The following WDR33 variants were observed in gnomAD, a reference collection of about 807,000 sequenced individuals.
WDR33 encodes WD repeat domain 33.
WDR33 carries 47 observed loss-of-function variants against 164.9 expected under a neutral mutation model. That is an observed-to-expected ratio of 0.29 (90% CI 0.23 to 0.36). The LOEUF is 0.36. WDR33 is among the 10% of genes least tolerant of loss of function. WDR33 has a pLI of 1.00. For synonymous variants in WDR33, 505 were observed against 589.0 expected (o/e 0.86, Z 2.06); for missense variants, 1,137 against 1,754.1 (o/e 0.65, Z 6.28).
At chr2:127,758,040 C>T (rs1339508358) in intron 7 of WDR33, among the ~76,000 whole-genome samples, 1 of 152,118 alleles carries the variant, frequency 6.6e-6, no homozygotes, top group African/African-American at 2.4e-5. Flanking sequence ...AAAACTCCTG[C>T]GTAAGTCTCA....
chr2:127,719,431 G>A lies in WDR33; in HGVS notation c.2594C>T (p.Pro865Leu). 4 of 1,562,144 alleles carry A rather than the reference G, an allele frequency of 2.6e-6. No homozygotes were observed. Among genetic ancestry groups the A allele is most frequent in the Non-Finnish European group, 3.5e-6 (4 of 1,154,132 alleles). The part of the protein sequence containing the change: ...PPGSQSQQGP[P>L]QGSLGPPPQG... Reference sequence around the variant, plus strand: ...GGGTGGAGGTCCTAAAGAGCCCTGGGGCGGCCCCTGCTGACTTTGTGAGCC... The same window carrying A: ...GGGTGGAGGTCCTAAAGAGCCCTGGAGCGGCCCCTGCTGACTTTGTGAGCC... The change falls in exon 16 of 22, where the codon CCC becomes CTC. Residue 865 changes from proline (P) to leucine (L), a missense_variant. Pro to Leu is a moderately conservative substitution (Grantham distance 98). Coordinates refer to ENST00000322313, the MANE Select transcript of WDR33 (RefSeq NM_018383.5). This position sits in a 1 kb window ranked among gnomAD's most constrained non-coding sequence, Gnocchi z 6.5.
rs1278382972 is a variant in WDR33, at chr2:127,771,004, A to G, written c.-23T>C. 1.2e-6 allele frequency: 2 copies of G among 1,610,378 alleles called. No individual in the cohort carries two copies. Among genetic ancestry groups the G allele is most frequent in the East Asian group, 2.2e-5 (1 of 44,812 alleles). On this transcript the variant is annotated splice_region_variant and 5_prime_UTR_variant, in exon 2 of 22. Transcript: ENST00000322313. ...CATGGTGATGTTTTCCTTCTAGGAT[A>G]CTAGGATAAGGAAAAAGTACTTTCA...
At chr2:127,767,567 T>C (rs1257357982) in intron 4 of WDR33, among the ~76,000 whole-genome samples, 1 of 151,658 alleles carries the variant, frequency 6.6e-6, no homozygotes, top group Non-Finnish European at 1.5e-5. Flanking sequence ...CAAAAAAAAG[T>C]AGCCGGGCAT....
At chr2:127,715,320 A>C (rs897982489) in intron 17 of WDR33, among the ~76,000 whole-genome samples, 4 of 151,934 alleles carry the variant, frequency 2.6e-5, no homozygotes, top group African/African-American at 9.7e-5. Flanking sequence ...CCTGACCTCA[A>C]GTGATACACC....
In WDR33 at chr2:127,707,850, G is replaced by C. The variant is rs143521848; in HGVS notation, c.3781+827C>G. ...CACACCTGTAGTTCCAGCTACTGGG[G>C]AGACTGAGGCACAAGAATCACTTGA... On this transcript the variant is annotated intron_variant, in intron 21 of 21. Transcript: ENST00000322313. Among the ~76,000 whole-genome samples, 511 of 152,332 alleles carry C rather than the reference G, an allele frequency of 3.4e-3. 2 individuals are homozygous for C. Among genetic ancestry groups the C allele is most frequent in the Non-Finnish European group, 5.5e-3 (376 of 68,032 alleles).
At position 127,811,023 on chromosome 2, in the gene WDR33, G is replaced by A. The variant is rs534947197; in HGVS notation, c.-35C>T. On this transcript the variant is annotated 5_prime_UTR_variant, in exon 1 of 22. Transcript: ENST00000322313. The surrounding 1 kb of genome is among the most constrained non-coding windows in gnomAD (Gnocchi z 4.1). Reference sequence around the variant, plus strand: ...GCCGCCGCACTCACCGTCTGGCTTTGAGCAGAGCTCCTAAATGGCCAGCGA... The same window carrying A: ...GCCGCCGCACTCACCGTCTGGCTTTAAGCAGAGCTCCTAAATGGCCAGCGA... 1.3e-5 allele frequency: 2 copies of A among 152,884 alleles called. No homozygotes were observed. Among genetic ancestry groups the A allele is most frequent in the South Asian group, 2.1e-4 (1 of 4,832 alleles). The allele number at this position is 152,884 out of a possible 1,614,324, so 9.5% of individuals were successfully genotyped here. A position where few individuals can be genotyped will look rare whatever the true frequency, so the allele number is the denominator to read the frequency against.
Position 127,725,266 on chromosome 2 carries a change from T to C in WDR33, c.852-51A>G, listed in dbSNP as rs779386684. On this transcript the variant is annotated intron_variant, in intron 8 of 21. Coordinates refer to ENST00000322313, the MANE Select transcript of WDR33 (RefSeq NM_018383.5). ...TGTCAGAATTCAAAACAAGTATAAA[T>C]ACAATGGCCATTTTTGTTGAAAAGC... is the stretch of plus-strand genomic sequence containing the variant. 13 of 1,535,766 alleles carry C rather than the reference T, an allele frequency of 8.5e-6. No homozygotes were observed. The East Asian group carries it at 1.4e-4, about 16-fold the overall frequency.
intron 1 of WDR33, among the ~76,000 whole-genome samples, chr2:127,799,409 C>T (rs959824145): frequency 6.6e-6 from 1 of 152,096 alleles, no homozygotes; most frequent in African/African-American, 2.4e-5. Context: ...GACTTGCATC[C>T]AGAATACACG....
rs1558923338 is a variant in WDR33, at chr2:127,720,196, A to T, written c.1829T>A (p.Met610Lys). ...CCCCATTTGAGCCATGTTCATTGGCATCTGCTGAGATGGATGGGGCTGTTG... is the reference window on the plus strand; with the variant it reads ...CCCCATTTGAGCCATGTTCATTGGCTTCTGCTGAGATGGATGGGGCTGTTG... ...GFQQPHPSQQ[M>K]PMNMAQMGPP... Residue 610 changes from methionine to lysine, a missense_variant, in exon 16 of 22, where the codon ATG becomes AAG. Coordinates refer to ENST00000322313, the MANE Select transcript of WDR33 (RefSeq NM_018383.5). The surrounding 1 kb of genome is among the most constrained non-coding windows in gnomAD (Gnocchi z 5.9). 1 of 1,611,746 alleles carries T rather than the reference A, an allele frequency of 6.2e-7. No individual in the cohort carries two copies. Among genetic ancestry groups the T allele is most frequent in the Non-Finnish European group, 8.5e-7 (1 of 1,178,980 alleles).
At chr2:127,796,377 A>G (rs911430287) in intron 1 of WDR33, among the ~76,000 whole-genome samples, 3 of 151,788 alleles carry the variant, frequency 2.0e-5, no homozygotes, top group African/African-American at 7.3e-5. Context: ...CCTGGCTGTT[A>G]ATTTTCTCAT....
At chr2:127,750,491 A>C (rs1210839959) in intron 7 of WDR33, among the ~76,000 whole-genome samples, 1 of 150,700 alleles carries the variant, frequency 6.6e-6, no homozygotes, top group African/African-American at 2.4e-5. Context: ...TACTTAAAAT[A>C]CAAAAATTAG....
intron 1 of WDR33, among the ~76,000 whole-genome samples, chr2:127,802,284 A>G (rs2104681971): frequency 6.6e-6 from 1 of 152,342 alleles, no homozygotes; most frequent in East Asian, 1.9e-4. Context: ...GAATGTGAAA[A>G]TAAGAATATA....
rs971893533 is a variant in WDR33 at position 127,779,878 on chromosome 2, C to A, written c.-23-8874G>T. ...GAACAAGAAAGCTTGTTTTCCCAAA[C>A]TGAGATAACAGAATTCTAACCAAAA... On this transcript the variant is annotated intron_variant, in intron 1 of 21. Coordinates refer to ENST00000322313, the MANE Select transcript of WDR33 (RefSeq NM_018383.5). 3.9e-5 allele frequency among the ~76,000 whole-genome samples: 6 copies of A among 152,272 alleles called. No individual in the cohort carries two copies. The East Asian group carries it at 7.7e-4, about 20-fold the overall frequency.
Position 127,701,635 on chromosome 2 carries a change from G to A in WDR33, c.*4688C>T, listed in dbSNP as rs1422814686. 129 of 1,319,652 alleles carry A rather than the reference G, an allele frequency of 9.8e-5. No homozygotes were observed. Among genetic ancestry groups the A allele is most frequent in the Non-Finnish European group, 1.2e-4 (128 of 1,038,728 alleles). The allele number at this position is 1,319,652 out of a possible 1,614,324, so 81.7% of individuals were successfully genotyped here. A position where few individuals can be genotyped will look rare whatever the true frequency, so the allele number is the denominator to read the frequency against. On this transcript the variant is annotated 3_prime_UTR_variant, in exon 22 of 22. Coordinates refer to ENST00000322313, the MANE Select transcript of WDR33 (RefSeq NM_018383.5). ...GCCGCGGAGAAGGCGGAGGAGCCCG[G>A]GGACCGGCCGGCGGAGGAGTGGCTG...
In WDR33 at chr2:127,713,634, C is replaced by T. The variant is rs777709076; in HGVS notation, c.3257G>A (p.Arg1086His). 24 of 1,614,138 alleles carry T rather than the reference C, an allele frequency of 1.5e-5. No individual in the cohort carries two copies. The highest frequency in any genetic ancestry group is 6.7e-5 in the Admixed American group (4 of 60,014). The change falls in exon 18 of 22, where the codon CGT becomes CAT. Residue 1086 changes from arginine to histidine, a missense_variant. Physicochemically the swap from Arg to His is conservative, Grantham distance 29. Transcript: ENST00000322313. The surrounding 1 kb of genome is among the most constrained non-coding windows in gnomAD (Gnocchi z 6.2). ...AWEGRRPGDE[R>H]FPRDPEDPRF... ...TGGGTCCTCGGGATCCCGGGGGAAA[C>T]GTTCATCTCCGGGCCTGCGGCCTTC...
At chr2:127,796,183 C>T (rs1040481058) in intron 1 of WDR33, among the ~76,000 whole-genome samples, 1 of 151,510 alleles carries the variant, frequency 6.6e-6, no homozygotes, top group Non-Finnish European at 1.5e-5. Flanking sequence ...GTGATCCTCC[C>T]ACCTCAGCCT....
chr2:127,738,025 A>G lies in WDR33; in HGVS notation c.725-11248T>C. ...GTTATTCACCTCTTGACAGAAAGGA[A>G]GTAACAACGGCAGTGATGAAAACAT... is the stretch of plus-strand genomic sequence containing the variant. On this transcript the variant is annotated intron_variant, in intron 7 of 21. Coordinates refer to ENST00000322313, the MANE Select transcript of WDR33 (RefSeq NM_018383.5). The surrounding 1 kb of genome is among the most constrained non-coding windows in gnomAD (Gnocchi z 4.4). 1.2e-6 allele frequency: 2 copies of G among 1,613,250 alleles called. No individual in the cohort carries two copies. Among genetic ancestry groups the G allele is most frequent in the Non-Finnish European group, 1.7e-6 (2 of 1,179,614 alleles).
intron 1 of WDR33, among the ~76,000 whole-genome samples, chr2:127,803,905 G>T (rs1422229933): frequency 7.2e-6 from 1 of 138,762 alleles, no homozygotes; most frequent in East Asian, 2.1e-4. Context: ...CTATGATCTT[G>T]CCACTGCACT....
Position 127,720,298 on chromosome 2 carries a change from G to A in WDR33, c.1727C>T (p.Pro576Leu). Reference sequence around the variant, plus strand: ...TCCGAGGAGAGGGGTGCCAGATGAGGGAGGAGGCTGAATTTGCTCAACTTG... The same window carrying A: ...TCCGAGGAGAGGGGTGCCAGATGAGAGAGGAGGCTGAATTTGCTCAACTTG... Reference protein sequence around the residue: ...QKQVEQIQPPPSSGTPLLGPQ... With the variant: ...QKQVEQIQPPLSSGTPLLGPQ... Residue 576 changes from proline (P) to leucine (L), a missense_variant, in exon 16 of 22, where the codon CCC becomes CTC. Physicochemically the swap from Pro to Leu is moderately conservative, Grantham distance 98 (BLOSUM62 -3). Around this residue, in one of 9 missense-constraint regions of WDR33, gnomAD observed 867 missense variants for 1,073.0 expected, o/e 0.81. Transcript: ENST00000322313. This position sits in a 1 kb window ranked among gnomAD's most constrained non-coding sequence, Gnocchi z 5.9. 1 of 1,516,416 alleles carries A rather than the reference G, an allele frequency of 6.6e-7. No homozygotes were observed. The highest frequency in any genetic ancestry group is 8.8e-7 in the Non-Finnish European group (1 of 1,132,938). 93.9% of individuals were successfully genotyped at this position (1,516,416 alleles called of 1,614,324 possible). A position where few individuals can be genotyped will look rare whatever the true frequency, so the allele number is the denominator to read the frequency against.
Sources: gnomAD v4.1 joint callset for allele counts (sites outside exome capture counted in the v4.1 genomes callset) on GRCh38, gnomAD v4.1.1 for gene constraint, gnomAD v4.1.1 regional missense constraint, Gnocchi (gnomAD v3.1) non-coding constraint, MANE v1.5 for transcripts, NCBI Gene and HGNC (gene_info 2026-07-23, HGNC 2026-07-21) for gene names.